The following ADAM12 variants were observed in gnomAD, a reference collection of about 807,000 sequenced individuals.
ADAM12 encodes the protein disintegrin and metalloproteinase domain-containing protein 12.
Under a neutral mutation model 106.4 loss-of-function variants are expected in ADAM12, and 70 were observed. The ratio of observed to expected loss-of-function variants is 0.66; its 90% CI spans 0.54 to 0.80. The LOEUF (loss-of-function observed/expected upper bound fraction) is 0.80, where lower values mean the gene tolerates loss of function less well. Ranked by LOEUF, ADAM12 falls within the 30% of genes least tolerant of loss-of-function variation. ADAM12 has a pLI of 0.00. For synonymous variants in ADAM12, 420 were observed against 433.5 expected, an observed-to-expected ratio of 0.97 and a Z score of 0.39; for missense variants, 1,010 against 1,171.9, an observed-to-expected ratio of 0.86 and a Z score of 2.02.
intron 2 of ADAM12, among the ~76,000 whole-genome samples, chr10:126,313,172 C>T (rs1045073414): frequency 6.6e-6 from 1 of 152,172 alleles, no homozygotes; most frequent in Non-Finnish European, 1.5e-5. Context: ...GTATGCCTGG[C>T]AAGTCAGCGC....
chr10:126,141,364 G>A (rs866019951), intron 4 of ADAM12, among the ~76,000 whole-genome samples: 2 of 152,196 alleles, frequency 1.3e-5, no homozygotes, highest in Admixed American at 6.5e-5. Context: ...AGGCCAGGCC[G>A]TCTTTGCCTA....
Position 126,049,571 on chromosome 10 carries a change from A to G in ADAM12, c.1708T>C (p.Cys570Arg). The G allele has an allele frequency of 6.2e-7, 1 of 1,614,198 alleles. No individual in the cohort carries two copies. Among genetic ancestry groups the G allele is most frequent in the Non-Finnish European group, 8.5e-7 (1 of 1,180,016 alleles). ...GKVSKSSFAK[C>R]EMRDAKCGKI... Reference sequence around the variant, plus strand: ...GTCTGGATTCCATACCTCATCTCGCATTTGGCAAAGGAACTCTTCGAGACT... The same window carrying G: ...GTCTGGATTCCATACCTCATCTCGCGTTTGGCAAAGGAACTCTTCGAGACT... The change falls in exon 15 of 23, where the codon TGC becomes CGC. Residue 570 changes from cysteine (C) to arginine (R), a missense_variant. This residue lies in a region of ADAM12 where 615 missense variants were observed against 708.5 expected (regional missense o/e 0.87). Coordinates refer to ENST00000448723, the MANE Select transcript of ADAM12 (RefSeq NM_001288973.2). This position sits in a 1 kb window ranked among gnomAD's most constrained non-coding sequence, Gnocchi z 4.4.
intron 3 of ADAM12, among the ~76,000 whole-genome samples, chr10:126,159,598 T>C (rs1189441379): frequency 1.3e-5 from 2 of 152,158 alleles, no homozygotes; most frequent in African/African-American, 4.8e-5. Context: ...CTGACCAGGC[T>C]TAACTGAAAG....
intron 1 of ADAM12, among the ~76,000 whole-genome samples, chr10:126,365,968 G>A (rs1003479174): frequency 6.6e-6 from 1 of 152,132 alleles, no homozygotes; most frequent in African/African-American, 2.4e-5. Flanking sequence ...TATATGGAAA[G>A]TAATCAAGAA....
chr10:126,037,562 G>A (rs1236628805), intron 20 of ADAM12, among the ~76,000 whole-genome samples: 1 of 152,042 alleles, frequency 6.6e-6, no homozygotes, highest in Non-Finnish European at 1.5e-5. Context: ...TTATAATTTG[G>A]ACTCTTGTTG....
intron 5 of ADAM12, 56 bp downstream of exon 5, chr10:126,135,528 A>T (rs1478117750): frequency 4.0e-6 from 6 of 1,517,540 alleles, no homozygotes; most frequent in Non-Finnish European, 1.8e-6. Context: ...GAAAAGACAG[A>T]GGTTGCCTGC....
At chr10:126,051,588 T>TCCATCCATCCAGCCAGCCAGCCAG (rs1281562847) in intron 14 of ADAM12, among the ~76,000 whole-genome samples, 3 of 124,314 alleles carry the variant, frequency 2.4e-5, no homozygotes, top group African/African-American at 6.2e-5. Context: ...CATCCATCCA[T>TCCATCCATCCAGCCAGCCAGCCAG]CCAGCCAGCC....
At chr10:126,095,033 TACA>T (rs1453232876) in intron 10 of ADAM12, among the ~76,000 whole-genome samples, 2 of 152,200 alleles carry the variant, frequency 1.3e-5, no homozygotes, top group African/African-American at 4.8e-5. Context: ...AGTGCCTATA[TACA>T]ACATTTCTGA....
At chr10:126,289,178 T>C (rs1338903338) in intron 2 of ADAM12, among the ~76,000 whole-genome samples, 1 of 152,206 alleles carries the variant, frequency 6.6e-6, no homozygotes, top group Admixed American at 6.5e-5. Context: ...ATCATGTTGC[T>C]GAAGTCAGCC....
intron 5 of ADAM12, among the ~76,000 whole-genome samples, chr10:126,120,026 G>T (rs541015583): frequency 1.1e-4 from 16 of 152,282 alleles, no homozygotes; most frequent in Non-Finnish European, 1.5e-4. Flanking sequence ...TTAGCGAGGT[G>T]ACCACTATCT....
intron 6 of ADAM12, among the ~76,000 whole-genome samples, chr10:126,115,588 T>C (rs1955966656): frequency 6.6e-6 from 1 of 152,190 alleles, no homozygotes; most frequent in Non-Finnish European, 1.5e-5. Context: ...TGAGTGCAGA[T>C]TTATTCCTGA....
At chr10:126,056,495 T>C (rs913907292) in intron 14 of ADAM12, among the ~76,000 whole-genome samples, 12 of 152,224 alleles carry the variant, frequency 7.9e-5, no homozygotes, top group Non-Finnish European at 1.8e-4. Context: ...GTAGCCCCAA[T>C]AGATACGATC....
intron 11 of ADAM12, among the ~76,000 whole-genome samples, chr10:126,085,665 C>T (rs534089964): frequency 3.3e-5 from 5 of 152,116 alleles, no homozygotes; most frequent in African/African-American, 7.2e-5. Flanking sequence ...TCTGTCCATC[C>T]GTCCATCCAT....
intron 16 of ADAM12, among the ~76,000 whole-genome samples, chr10:126,048,963 G>A (rs1159770884): frequency 6.6e-6 from 1 of 152,136 alleles, no homozygotes; most frequent in African/African-American, 2.4e-5. Flanking sequence ...TAGAATATGC[G>A]ATTGTATTTC....
chr10:126,107,766 C>A (rs919134281), intron 8 of ADAM12, among the ~76,000 whole-genome samples: 2 of 152,178 alleles, frequency 1.3e-5, no homozygotes, highest in South Asian at 2.1e-4. Flanking sequence ...TAACCTCCCC[C>A]CCGCCCTGCC....
At chr10:126,336,798 G>A (rs375870759) in intron 1 of ADAM12, among the ~76,000 whole-genome samples, 7 of 152,136 alleles carry the variant, frequency 4.6e-5, no homozygotes, top group Non-Finnish European at 7.3e-5. Context: ...TAGCTACCAC[G>A]CTGGCAGGCT....
intron 3 of ADAM12, among the ~76,000 whole-genome samples, chr10:126,175,228 C>T (rs981061865): frequency 3.3e-5 from 5 of 152,178 alleles, no homozygotes; most frequent in Admixed American, 6.5e-5. Flanking sequence ...GCGAAGAACG[C>T]TGCCGAGAGA....
chr10:126,185,820 T>A (rs1957390484), intron 3 of ADAM12, among the ~76,000 whole-genome samples: 1 of 152,090 alleles, frequency 6.6e-6, no homozygotes, highest in Non-Finnish European at 1.5e-5. Flanking sequence ...AAACAGACCA[T>A]CTCAAACGAG....
rs557689023 is a variant in ADAM12, at chr10:126,015,234, G to C, written c.*2045C>G. The C allele has an allele frequency of 6.6e-6, 1 of 152,106 alleles. No homozygotes were observed. Among genetic ancestry groups the C allele is most frequent in the African/African-American group, 2.4e-5 (1 of 41,422 alleles). The allele number at this position is 152,106 out of a possible 1,614,324, so 9.4% of individuals were successfully genotyped here. A position where few individuals can be genotyped will look rare whatever the true frequency, so the allele number is the denominator to read the frequency against. On this transcript the variant is annotated 3_prime_UTR_variant, in exon 23 of 23. Coordinates refer to ENST00000448723, the MANE Select transcript of ADAM12 (RefSeq NM_001288973.2). ...CTGGCTCTCTGAAATAGAAGCATAG[G>C]AATTACAGCTAAGAACAAACAACAA...
Sources: gnomAD v4.1 joint callset for allele counts (sites outside exome capture counted in the v4.1 genomes callset) on GRCh38, gnomAD v4.1.1 for gene constraint, gnomAD v4.1.1 regional missense constraint, Gnocchi (gnomAD v3.1) non-coding constraint, MANE v1.5 for transcripts, NCBI Gene and HGNC (gene_info 2026-07-23, HGNC 2026-07-21) for gene names.